The following PCBP1 variants were observed in gnomAD, a reference collection of about 807,000 sequenced individuals.
The protein encoded by PCBP1 is poly(rC) binding protein 1, also known as poly(rC)-binding protein 1.
For synonymous variants in PCBP1, 284 were observed against 195.8 expected, an observed-to-expected ratio of 1.45 and a Z score of -3.76; for missense variants, 244 against 474.4, an observed-to-expected ratio of 0.51 and a Z score of 4.51.
chr2:70,087,643 C>A lies in PCBP1; in HGVS notation c.-101C>A. Reference sequence around the variant, plus strand: ...GCTCCCGCGGCCCTCGCTCGCCTCGCGCCGGCAGTTTTGGGCCTACACCTC... The same window carrying A: ...GCTCCCGCGGCCCTCGCTCGCCTCGAGCCGGCAGTTTTGGGCCTACACCTC... On this transcript the variant is annotated 5_prime_UTR_variant, in exon 1 of 1. Transcript: ENST00000303577. The A allele has an allele frequency of 2.8e-6, 2 of 702,912 alleles. No homozygotes were observed. Among genetic ancestry groups the A allele is most frequent in the Admixed American group, 3.0e-5 (1 of 33,604 alleles). 43.5% of individuals were successfully genotyped at this position (702,912 alleles called of 1,614,324 possible).
rs368421777 is a variant in PCBP1 at position 70,087,806 on chromosome 2, C to T, written c.63C>T (p.His21=). 1.5e-5 allele frequency: 24 copies of T among 1,597,466 alleles called. No individual in the cohort carries two copies. The highest frequency in any genetic ancestry group is 2.7e-5 in the African/African-American group (2 of 74,460). Residue 21 remains histidine, a synonymous_variant, in exon 1 of 1, where the codon CAC becomes CAT. Transcript: ENST00000303577. ...CTCTCACCATTCGGCTTCTTATGCA[C>T]GGAAAGGAAGTAGGAAGCATCATTG... ...NVTLTIRLLM[H]GKEVGSIIGK...
rs558883932 is a variant in PCBP1 at position 70,087,896 on chromosome 2, G to A, written c.153G>A (p.Glu51=). ...GTGGCGCGCGGATCAACATCTCGGA[G>A]GGGAATTGTCCGGAGAGAATCATCA... The part of the protein sequence containing the change: ...EESGARINIS[E]GNCPERIITL... The change falls in exon 1 of 1, where the codon GAG becomes GAA. Residue 51 remains glutamate, a synonymous_variant. Coordinates refer to ENST00000303577, the MANE Select transcript of PCBP1 (RefSeq NM_006196.4). 4.2e-5 allele frequency: 68 copies of A among 1,612,448 alleles called. No individual in the cohort carries two copies. The East Asian group carries it at 1.3e-3, about 31-fold the overall frequency.
rs917212328 is a variant in PCBP1 at position 70,088,096 on chromosome 2, G to A, written c.353G>A (p.Cys118Tyr). 2 of 1,613,618 alleles carry A rather than the reference G, an allele frequency of 1.2e-6. No homozygotes were observed. The highest frequency in any genetic ancestry group is 2.7e-5 in the African/African-American group (2 of 74,872). Residue 118 changes from cysteine to tyrosine, a missense_variant, in exon 1 of 1, where the codon TGT becomes TAT. By Grantham distance (194) the Cys-to-Tyr change is radical (BLOSUM62 -2). Transcript: ENST00000303577. This position sits in a 1 kb window ranked among gnomAD's most constrained non-coding sequence, Gnocchi z 4.5. ...QCGSLIGKGG[C>Y]KIKEIRESTG... ...GGCTCCCTGATTGGGAAAGGCGGGT[G>A]TAAGATCAAAGAGATCCGCGAGAGT... is the stretch of plus-strand genomic sequence containing the variant.
Position 70,088,737 on chromosome 2 carries a change from T to G in PCBP1, c.994T>G (p.Ser332Ala). 1 of 1,614,224 alleles carries G rather than the reference T, an allele frequency of 6.2e-7. No homozygotes were observed. Among genetic ancestry groups the G allele is most frequent in the Non-Finnish European group, 8.5e-7 (1 of 1,180,026 alleles). The change falls in exon 1 of 1, where the codon TCT (serine) becomes GCT (alanine). Residue 332 changes from serine to alanine, a missense_variant. By Grantham distance (99) the Ser-to-Ala change is moderately conservative. Transcript: ENST00000303577. This position sits in a 1 kb window ranked among gnomAD's most constrained non-coding sequence, Gnocchi z 4.5. ...SSGRQVTITG[S>A]AASISLAQYL... ...TGGTAGGCAGGTTACTATCACTGGC[T>G]CTGCTGCCAGTATTAGTCTGGCCCA...
Position 70,088,463 on chromosome 2 carries a change from G to C in PCBP1, c.720G>C (p.Gln240His). 6.2e-7 allele frequency: 1 copy of C among 1,614,252 alleles called. No homozygotes were observed. Among genetic ancestry groups the C allele is most frequent in the Non-Finnish European group, 8.5e-7 (1 of 1,180,048 alleles). ...CGCTCGATCTGGCCAAGCTGAACCAGGTGGCAAGACAACAGTCTCACTTTG... is the reference window on the plus strand; with the variant it reads ...CGCTCGATCTGGCCAAGCTGAACCACGTGGCAAGACAACAGTCTCACTTTG... ...ISPLDLAKLN[Q>H]VARQQSHFAM... is the part of the protein sequence containing the mutation. Residue 240 changes from glutamine to histidine, a missense_variant, in exon 1 of 1, where the codon CAG (glutamine) becomes CAC (histidine). Coordinates refer to ENST00000303577, the MANE Select transcript of PCBP1 (RefSeq NM_006196.4). This position sits in a 1 kb window ranked among gnomAD's most constrained non-coding sequence, Gnocchi z 4.5.
Position 70,087,830 on chromosome 2 carries a change from T to G in PCBP1, c.87T>G (p.Ile29Met), listed in dbSNP as rs1204399147. 1 of 1,609,880 alleles carries G rather than the reference T, an allele frequency of 6.2e-7. No individual in the cohort carries two copies. Among genetic ancestry groups the G allele is most frequent in the Non-Finnish European group, 8.5e-7 (1 of 1,177,382 alleles). The change falls in exon 1 of 1, where the codon ATT (isoleucine) becomes ATG (methionine). Residue 29 changes from isoleucine to methionine, a missense_variant. Coordinates refer to ENST00000303577, the MANE Select transcript of PCBP1 (RefSeq NM_006196.4). ...LMHGKEVGSIIGKKGESVKRI... is the reference protein window; with the variant it reads ...LMHGKEVGSIMGKKGESVKRI... Reference sequence around the variant, plus strand: ...ACGGAAAGGAAGTAGGAAGCATCATTGGGAAGAAAGGGGAGTCGGTTAAGA... The same window carrying G: ...ACGGAAAGGAAGTAGGAAGCATCATGGGGAAGAAAGGGGAGTCGGTTAAGA...
Position 70,087,694 on chromosome 2 carries a change from CTT to C in PCBP1, c.-49_-48del. ...CCCTCCCCCCGCCAGCCGCCAAAGACTTGACCACGTAACGAGCCCAACTCCCC... is the reference window on the plus strand; with the variant it reads ...CCCTCCCCCCGCCAGCCGCCAAAGACGACCACGTAACGAGCCCAACTCCCC... On this transcript the variant is annotated 5_prime_UTR_variant, in exon 1 of 1. Coordinates refer to ENST00000303577, the MANE Select transcript of PCBP1 (RefSeq NM_006196.4). 1 of 1,302,552 alleles carries C rather than the reference CTT, an allele frequency of 7.7e-7. No homozygotes were observed. The highest frequency in any genetic ancestry group is 1.1e-6 in the Non-Finnish European group (1 of 937,696). 80.7% of individuals were successfully genotyped at this position (1,302,552 alleles called of 1,614,324 possible).
rs530697527 is a variant in PCBP1, at chr2:70,088,868, T to G, written c.*54T>G. The G allele has an allele frequency of 5.3e-6, 7 of 1,317,232 alleles. No individual in the cohort carries two copies. The highest frequency in any genetic ancestry group is 7.4e-6 in the Non-Finnish European group (7 of 951,394). The allele number at this position is 1,317,232 out of a possible 1,614,324, so 81.6% of individuals were successfully genotyped here. On this transcript the variant is annotated 3_prime_UTR_variant, in exon 1 of 1. Coordinates refer to ENST00000303577, the MANE Select transcript of PCBP1 (RefSeq NM_006196.4). The surrounding 1 kb of genome is among the most constrained non-coding windows in gnomAD (Gnocchi z 4.5). ...TTCTGCTGTTCTCCCATGATCCAAC[T>G]GTGTAATTTCTGGTCAGTGATTCCA...
Position 70,087,998 on chromosome 2 carries a change from C to T in PCBP1, c.255C>T (p.Ser85=), listed in dbSNP as rs139479453. 229 of 1,613,908 alleles carry T rather than the reference C, an allele frequency of 1.4e-4. No homozygotes were observed. Among genetic ancestry groups the T allele is most frequent in the Admixed American group, 3.7e-4 (22 of 60,024 alleles). ...ACAAGCTGGAGGAAGATATCAACAGCTCCATGACCAACAGTACCGCGGCCA... is the reference window on the plus strand; with the variant it reads ...ACAAGCTGGAGGAAGATATCAACAGTTCCATGACCAACAGTACCGCGGCCA... The part of the protein sequence containing the change: ...IIDKLEEDIN[S]SMTNSTAASR... Residue 85 remains serine (S), a synonymous_variant, in exon 1 of 1, where the codon AGC becomes AGT. Transcript: ENST00000303577.
In PCBP1 at chr2:70,087,561, T is replaced by TCCG. The variant is rs1182823147; in HGVS notation, c.-171_-169dup. The TCCG allele has an allele frequency of 2.5e-4, 10 of 39,834 alleles. No individual in the cohort carries two copies. The highest frequency in any genetic ancestry group is 1.4e-3 in the East Asian group (3 of 2,104). 2.5% of individuals were successfully genotyped at this position (39,834 alleles called of 1,614,324 possible). A position where few individuals can be genotyped will look rare whatever the true frequency, so the allele number is the denominator to read the frequency against. ...GCCGCTCCCGGCCCCGCTCGCCCCC[T>TCCG]CCGCCGCCGCCGCCCGCCCCTGCGA... On this transcript the variant is annotated 5_prime_UTR_variant, in exon 1 of 1. Coordinates refer to ENST00000303577, the MANE Select transcript of PCBP1 (RefSeq NM_006196.4).
Position 70,088,366 on chromosome 2 carries a change from C to A in PCBP1, c.623C>A (p.Pro208His). The A allele has an allele frequency of 1.9e-6, 3 of 1,614,014 alleles. No individual in the cohort carries two copies. ...QDRCSDAAGYPHATHDLEGPP... is the reference protein window; with the variant it reads ...QDRCSDAAGYHHATHDLEGPP... Reference sequence around the variant, plus strand: ...CGGTGCAGCGACGCTGCGGGCTACCCCCATGCCACCCATGACCTGGAGGGA... The same window carrying A: ...CGGTGCAGCGACGCTGCGGGCTACCACCATGCCACCCATGACCTGGAGGGA... Residue 208 changes from proline to histidine, a missense_variant, in exon 1 of 1, where the codon CCC (proline) becomes CAC (histidine). By Grantham distance (77) the Pro-to-His change is moderately conservative. Coordinates refer to ENST00000303577, the MANE Select transcript of PCBP1 (RefSeq NM_006196.4). The surrounding 1 kb of genome is among the most constrained non-coding windows in gnomAD (Gnocchi z 4.5).
At position 70,088,595 on chromosome 2, in the gene PCBP1, C is replaced by T. The variant is rs751500028; in HGVS notation, c.852C>T (p.Leu284=). 4.6e-5 allele frequency: 74 copies of T among 1,614,122 alleles called. No individual in the cohort carries two copies. Among genetic ancestry groups the T allele is most frequent in the Non-Finnish European group, 5.8e-5 (68 of 1,180,050 alleles). The change falls in exon 1 of 1, where the codon CTC becomes CTT. Residue 284 remains leucine, a synonymous_variant. Transcript: ENST00000303577. This position sits in a 1 kb window ranked among gnomAD's most constrained non-coding sequence, Gnocchi z 4.5. ...CATCTACTCAAACCACCCATGAACTCACCATTCCAAATAACTTAATTGGCT... is the reference window on the plus strand; with the variant it reads ...CATCTACTCAAACCACCCATGAACTTACCATTCCAAATAACTTAATTGGCT... ...LDASTQTTHE[L]TIPNNLIGCI...
rs577388341 is a variant in PCBP1 at position 70,087,722 on chromosome 2, C to T, written c.-22C>T. ...GACCACGTAACGAGCCCAACTCCCC[C>T]GAACGCCGCCCGCCGCTCGCCATGG... is the stretch of plus-strand genomic sequence containing the variant. On this transcript the variant is annotated 5_prime_UTR_variant, in exon 1 of 1. Coordinates refer to ENST00000303577, the MANE Select transcript of PCBP1 (RefSeq NM_006196.4). 4.0e-6 allele frequency: 6 copies of T among 1,506,810 alleles called. No homozygotes were observed. The African/African-American group carries it at 7.0e-5, about 17-fold the overall frequency. The allele number at this position is 1,506,810 out of a possible 1,614,324, so 93.3% of individuals were successfully genotyped here.
rs1671380906 is a variant in PCBP1 at position 70,088,834 on chromosome 2, A to AT, written c.*21dup. On this transcript the variant is annotated 3_prime_UTR_variant, in exon 1 of 1. Coordinates refer to ENST00000303577, the MANE Select transcript of PCBP1 (RefSeq NM_006196.4). The surrounding 1 kb of genome is among the most constrained non-coding windows in gnomAD (Gnocchi z 4.5). ...AGCTAGAACAGTGTAGGTTCCCTCAATAACCCCTTTCTGCTGTTCTCCCAT... is the reference window on the plus strand; with the variant it reads ...AGCTAGAACAGTGTAGGTTCCCTCAATTAACCCCTTTCTGCTGTTCTCCCAT... The AT allele has an allele frequency of 6.5e-7, 1 of 1,540,002 alleles. No individual in the cohort carries two copies. The highest frequency in any genetic ancestry group is 8.9e-7 in the Non-Finnish European group (1 of 1,125,014).
rs779714822 is a variant in PCBP1, at chr2:70,088,960, C to T, written c.*146C>T. On this transcript the variant is annotated 3_prime_UTR_variant, in exon 1 of 1. Transcript: ENST00000303577. The surrounding 1 kb of genome is among the most constrained non-coding windows in gnomAD (Gnocchi z 4.5). ...TATCATCCGCTAAGAATTTAAAAAT[C>T]ACATTCTCTGTTCAGCTGTTAATGC... The T allele has an allele frequency of 6.4e-6, 4 of 620,156 alleles. No individual in the cohort carries two copies. The highest frequency in any genetic ancestry group is 1.1e-5 in the Non-Finnish European group (4 of 353,506). The allele number at this position is 620,156 out of a possible 1,614,324, so 38.4% of individuals were successfully genotyped here. A position where few individuals can be genotyped will look rare whatever the true frequency, so the allele number is the denominator to read the frequency against.
At position 70,088,850 on chromosome 2, in the gene PCBP1, G is replaced by C. The variant is rs1451596805; in HGVS notation, c.*36G>C. Reference sequence around the variant, plus strand: ...GTTCCCTCAATAACCCCTTTCTGCTGTTCTCCCATGATCCAACTGTGTAAT... The same window carrying C: ...GTTCCCTCAATAACCCCTTTCTGCTCTTCTCCCATGATCCAACTGTGTAAT... On this transcript the variant is annotated 3_prime_UTR_variant, in exon 1 of 1. Coordinates refer to ENST00000303577, the MANE Select transcript of PCBP1 (RefSeq NM_006196.4). The surrounding 1 kb of genome is among the most constrained non-coding windows in gnomAD (Gnocchi z 4.5). 6 of 1,437,106 alleles carry C rather than the reference G, an allele frequency of 4.2e-6. No individual in the cohort carries two copies. The African/African-American group carries it at 4.3e-5, about 10-fold the overall frequency. 89.0% of individuals were successfully genotyped at this position (1,437,106 alleles called of 1,614,324 possible).
chr2:70,088,484 C>G lies in PCBP1; in HGVS notation c.741C>G (p.His247Gln). Residue 247 changes from histidine to glutamine, a missense_variant, in exon 1 of 1, where the codon CAC becomes CAG. By Grantham distance (24) the His-to-Gln change is conservative. Coordinates refer to ENST00000303577, the MANE Select transcript of PCBP1 (RefSeq NM_006196.4). This position sits in a 1 kb window ranked among gnomAD's most constrained non-coding sequence, Gnocchi z 4.5. ...KLNQVARQQSHFAMMHGGTGF... is the reference protein window; with the variant it reads ...KLNQVARQQSQFAMMHGGTGF... ...ACCAGGTGGCAAGACAACAGTCTCA[C>G]TTTGCCATGATGCACGGCGGGACCG... The G allele has an allele frequency of 6.2e-7, 1 of 1,614,284 alleles. No individual in the cohort carries two copies. Among genetic ancestry groups the G allele is most frequent in the East Asian group, 2.2e-5 (1 of 44,890 alleles).
chr2:70,088,447 T>C lies in PCBP1; in HGVS notation c.704T>C (p.Leu235Pro). The C allele has an allele frequency of 1.2e-6, 2 of 1,614,250 alleles. No homozygotes were observed. Among genetic ancestry groups the C allele is most frequent in the Admixed American group, 3.3e-5 (2 of 60,032 alleles). ...QGQHTISPLD[L>P]AKLNQVARQQ... ...CAACACACCATTTCTCCGCTCGATC[T>C]GGCCAAGCTGAACCAGGTGGCAAGA... Residue 235 changes from leucine (L) to proline (P), a missense_variant, in exon 1 of 1, where the codon CTG becomes CCG. Physicochemically the swap from Leu to Pro is moderately conservative, Grantham distance 98. Coordinates refer to ENST00000303577, the MANE Select transcript of PCBP1 (RefSeq NM_006196.4). This position sits in a 1 kb window ranked among gnomAD's most constrained non-coding sequence, Gnocchi z 4.5.
rs1671383852 is a variant in PCBP1, at chr2:70,088,909, G to T, written c.*95G>T. On this transcript the variant is annotated 3_prime_UTR_variant, in exon 1 of 1. Coordinates refer to ENST00000303577, the MANE Select transcript of PCBP1 (RefSeq NM_006196.4). This position sits in a 1 kb window ranked among gnomAD's most constrained non-coding sequence, Gnocchi z 4.5. ...AGTGATTCCAGGTTTTAAATAATTTGTAAGTGTTCAGTTTCTACACAACTT... is the reference window on the plus strand; with the variant it reads ...AGTGATTCCAGGTTTTAAATAATTTTTAAGTGTTCAGTTTCTACACAACTT... The T allele has an allele frequency of 2.3e-6, 2 of 873,800 alleles. No individual in the cohort carries two copies. Among genetic ancestry groups the T allele is most frequent in the Admixed American group, 5.8e-5 (2 of 34,414 alleles). 54.1% of individuals were successfully genotyped at this position (873,800 alleles called of 1,614,324 possible).
Sources: gnomAD v4.1 joint callset for allele counts on GRCh38, gnomAD v4.1.1 for gene constraint, Gnocchi (gnomAD v3.1) non-coding constraint, MANE v1.5 for transcripts, NCBI Gene and HGNC (gene_info 2026-07-23, HGNC 2026-07-21) for gene names.